SPOCK3: variants seen among roughly 807,000 people sequenced by gnomAD.
SPOCK3 encodes SPARC (osteonectin), cwcv and kazal like domains proteoglycan 3.
A neutral mutation model predicts 56.6 loss-of-function variants in SPOCK3; 30 were observed. That is an observed-to-expected ratio of 0.53 (90% CI 0.40 to 0.72). The LOEUF (loss-of-function observed/expected upper bound fraction) is 0.72. Ranked by LOEUF, SPOCK3 falls within the 30% of genes least tolerant of loss-of-function variation. The pLI is 0.00. For synonymous variants in SPOCK3, 196 were observed against 183.3 expected, an observed-to-expected ratio of 1.07 and a Z score of -0.56; for missense variants, 527 against 530.0, an observed-to-expected ratio of 0.99 and a Z score of 0.06.
intron 3 of SPOCK3, among the ~76,000 whole-genome samples, chr4:167,045,618 G>A (rs933037639): frequency 6.6e-6 from 1 of 151,708 alleles, no homozygotes; most frequent in East Asian, 1.9e-4. Context: ...TAGAGTTTGT[G>A]TCATGTATTT....
At chr4:166,764,697 A>G (rs1321929893) in intron 7 of SPOCK3, among the ~76,000 whole-genome samples, 2 of 152,136 alleles carry the variant, frequency 1.3e-5, no homozygotes, top group Non-Finnish European at 2.9e-5. Context: ...TCCTTTGGGT[A>G]TATACCCCTT....
chr4:166,745,258 A>G (rs1437476321), intron 8 of SPOCK3, among the ~76,000 whole-genome samples: 1 of 133,984 alleles, frequency 7.5e-6, no homozygotes, highest in Non-Finnish European at 1.7e-5. Flanking sequence ...GTTACCCACA[A>G]AGGGAAGCCC....
intron 3 of SPOCK3, among the ~76,000 whole-genome samples, chr4:167,026,206 C>T (rs562019187): frequency 1.5e-4 from 23 of 152,056 alleles, no homozygotes; most frequent in African/African-American, 4.6e-4. Flanking sequence ...AGCCCTGTGT[C>T]GGGTTAACTG....
intron 2 of SPOCK3, among the ~76,000 whole-genome samples, chr4:167,092,098 C>T (rs1231531983): frequency 1.3e-5 from 2 of 152,032 alleles, no homozygotes; most frequent in African/African-American, 2.4e-5. Flanking sequence ...GTACCCAGCT[C>T]ATCTCACTGG....
intron 2 of SPOCK3, among the ~76,000 whole-genome samples, chr4:167,081,802 A>C (rs1025774694): frequency 2.6e-5 from 4 of 152,030 alleles, no homozygotes; most frequent in Admixed American, 6.6e-5. Flanking sequence ...AAATATATAG[A>C]TACAGAATGG....
intron 3 of SPOCK3, among the ~76,000 whole-genome samples, chr4:167,060,889 CAGGGTTAT>C: frequency 6.6e-6 from 1 of 151,990 alleles, no homozygotes; most frequent in South Asian, 2.1e-4. Context: ...ATCTACCTTG[CAGGGTTAT>C]AACAACTAAA....
chr4:166,896,991 C>A (rs1226737363), intron 5 of SPOCK3, among the ~76,000 whole-genome samples: 1 of 152,022 alleles, frequency 6.6e-6, no homozygotes, highest in Admixed American at 6.6e-5. Context: ...CTTTTTTTTC[C>A]CCCATAGCTC....
chr4:166,971,332 G>A (rs763251960), intron 4 of SPOCK3, among the ~76,000 whole-genome samples: 7 of 152,114 alleles, frequency 4.6e-5, no homozygotes, highest in Non-Finnish European at 1.0e-4. Flanking sequence ...AAAGAGAACA[G>A]AGGTGCTTTT....
chr4:166,891,251 C>T (rs1165161430), intron 5 of SPOCK3, among the ~76,000 whole-genome samples: 2 of 151,978 alleles, frequency 1.3e-5, no homozygotes, highest in East Asian at 3.9e-4. Flanking sequence ...CCATAATTTA[C>T]TCAGAGAAAA....
chr4:167,125,102 CTAAT>C (rs764946218), intron 2 of SPOCK3, among the ~76,000 whole-genome samples: 4 of 151,882 alleles, frequency 2.6e-5, no homozygotes, highest in Non-Finnish European at 4.4e-5. Context: ...TTCCATAGTA[CTAAT>C]TAAGAAATTA....
intron 4 of SPOCK3, among the ~76,000 whole-genome samples, chr4:166,967,793 G>T (rs1003810844): frequency 6.6e-6 from 1 of 152,178 alleles, no homozygotes; most frequent in African/African-American, 2.4e-5. Context: ...TTGGAACTGG[G>T]TAACAGGCAA....
At position 166,965,791 on chromosome 4, in the gene SPOCK3, C is replaced by T. The variant is rs1025456678; in HGVS notation, c.350+34558G>A. On this transcript the variant is annotated intron_variant, in intron 4 of 10. Transcript: ENST00000357545. The stretch of plus-strand genomic sequence containing the variant: ...AAATGGATCTCAACACCCCTATTAT[C>T]GACATCCCCACTAGAGCGGTACATT... Among the ~76,000 whole-genome samples the T allele has an allele frequency of 8.6e-5, 13 of 152,020 alleles. No homozygotes were observed. The South Asian group carries it at 1.0e-3, about 12-fold the overall frequency.
At chr4:166,908,461 CA>C (rs1051121051) in intron 5 of SPOCK3, among the ~76,000 whole-genome samples, 1 of 146,442 alleles carries the variant, frequency 6.8e-6, no homozygotes, top group African/African-American at 2.5e-5. Flanking sequence ...AGCATCTCTA[CA>C]GCTGGATTTG....
At chr4:167,233,924 G>C in intron 2 of SPOCK3, 61 bp downstream of exon 2, 2 of 1,482,568 alleles carry the variant, frequency 1.3e-6, no homozygotes, top group Non-Finnish European at 1.9e-6. Flanking sequence ...TCCGGCGGCC[G>C]CGGCCCCCGC....
intron 3 of SPOCK3, among the ~76,000 whole-genome samples, chr4:167,029,173 G>C (rs1408631746): frequency 6.6e-6 from 1 of 151,966 alleles, no homozygotes; most frequent in Non-Finnish European, 1.5e-5. Flanking sequence ...TTTGGTGTTT[G>C]GTTTTCTGTT....
chr4:166,862,111 T>C (rs1430564719), intron 6 of SPOCK3, among the ~76,000 whole-genome samples: 1 of 152,166 alleles, frequency 6.6e-6, no homozygotes, highest in Non-Finnish European at 1.5e-5. Flanking sequence ...ATTTAAATGA[T>C]GCTTAAGTGT....
At chr4:166,766,629 C>T (rs13148400) in intron 7 of SPOCK3, among the ~76,000 whole-genome samples, 50,217 of 151,848 alleles carry the variant, frequency 0.33, 8,476 homozygotes, top group Admixed American at 0.42. Flanking sequence ...TGTTCATCAG[C>T]GATATTGGTC....
chr4:166,916,975 G>C (rs1002795342), intron 4 of SPOCK3, among the ~76,000 whole-genome samples: 37 of 152,136 alleles, frequency 2.4e-4, no homozygotes, highest in Admixed American at 2.4e-3. Flanking sequence ...GATGAGGTTG[G>C]ATGTTAAAAG....
chr4:166,882,915 A>G (rs1331142747), intron 6 of SPOCK3: 1 of 152,196 alleles, frequency 6.6e-6, no homozygotes, highest in African/African-American at 2.4e-5. Flanking sequence ...ACACTTGCCA[A>G]TAAACTGACT....
Sources: gnomAD v4.1 joint callset for allele counts (sites outside exome capture counted in the v4.1 genomes callset) on GRCh38, gnomAD v4.1.1 for gene constraint, MANE v1.5 for transcripts, NCBI Gene and HGNC (gene_info 2026-07-23, HGNC 2026-07-21) for gene names.